C8orf34: variants seen among roughly 807,000 people sequenced by gnomAD.
C8orf34 encodes chromosome 8 open reading frame 34.
Under a neutral mutation model 68.3 loss-of-function variants are expected in C8orf34, and 65 were observed. The ratio of observed to expected loss-of-function variants is 0.95; its 90% confidence interval spans 0.78 to 1.17. The LOEUF (loss-of-function observed/expected upper bound fraction) is 1.17, where lower values mean the gene tolerates loss of function less well. C8orf34 is among the 50% of genes most tolerant of loss of function. The probability of loss-of-function intolerance (pLI) is 0.00; values close to 1 mark genes in which losing one functional copy is unlikely to be tolerated. For synonymous variants in C8orf34, 244 were observed against 241.2 expected (o/e 1.01, Z -0.11); for missense variants, 664 against 655.4 (o/e 1.01, Z -0.14).
intron 7 of C8orf34, among the ~76,000 whole-genome samples, chr8:68,549,233 T>G (rs1354030949): frequency 1.3e-5 from 2 of 151,756 alleles, no homozygotes; most frequent in Non-Finnish European, 3.0e-5. Context: ...AAAATAAGTT[T>G]CTCCATTTAA....
chr8:68,520,886 A>G (rs147559840), intron 5 of C8orf34, among the ~76,000 whole-genome samples: 112 of 152,376 alleles, frequency 7.4e-4, no homozygotes, highest in Non-Finnish European at 1.3e-3. Context: ...TTTTCTCATT[A>G]CATATTTACT....
At chr8:68,790,779 C>T (rs1386033504) in intron 12 of C8orf34, 6 of 658,420 alleles carry the variant, frequency 9.1e-6, no homozygotes, top group African/African-American at 3.6e-5. Flanking sequence ...TACTGGGGTA[C>T]TTGTTTAACA....
At chr8:68,679,520 T>C (rs187874404) in intron 8 of C8orf34, among the ~76,000 whole-genome samples, 65 of 152,186 alleles carry the variant, frequency 4.3e-4, no homozygotes, top group Non-Finnish European at 4.9e-4. Context: ...ATAGATTCAA[T>C]GCAATCTCTA....
chr8:68,553,181 C>T (rs543056708), intron 7 of C8orf34, among the ~76,000 whole-genome samples: 5 of 151,770 alleles, frequency 3.3e-5, no homozygotes, highest in African/African-American at 7.2e-5. Flanking sequence ...GTCAGGAGAT[C>T]GAGACCGTCC....
chr8:68,641,505 A>G (rs1819010637), intron 8 of C8orf34, among the ~76,000 whole-genome samples: 1 of 152,210 alleles, frequency 6.6e-6, no homozygotes, highest in Admixed American at 6.5e-5. Flanking sequence ...TATTTGGTGG[A>G]TTGACTTTTT....
In C8orf34 at chr8:68,694,069, T is replaced by C. The variant is rs1049732007; in HGVS notation, c.1242-14925T>C. 2.0e-5 allele frequency among the ~76,000 whole-genome samples: 3 copies of C among 152,218 alleles called. No homozygotes were observed. The South Asian group carries it at 6.2e-4, about 32-fold the overall frequency. On this transcript the variant is annotated intron_variant, in intron 8 of 13. Transcript: ENST00000518698. ...GATGCTCCGAAAAATATAACTTTTA[T>C]AAGGCCCTTTCTCTAAGCACCTCTT...
chr8:68,745,490 A>T (rs920483073), intron 10 of C8orf34, among the ~76,000 whole-genome samples: 96 of 152,288 alleles, frequency 6.3e-4, no homozygotes, highest in Admixed American at 8.5e-4. Flanking sequence ...CAGGAAACCC[A>T]TCTCACGTGC....
intron 1 of C8orf34, among the ~76,000 whole-genome samples, chr8:68,420,702 T>C (rs780983688): frequency 6.6e-6 from 1 of 152,094 alleles, no homozygotes; most frequent in Non-Finnish European, 1.5e-5. Flanking sequence ...ATATTAAAAC[T>C]TCAACAGATA....
intron 5 of C8orf34, among the ~76,000 whole-genome samples, chr8:68,506,468 G>A (rs1814027321): frequency 6.6e-6 from 1 of 152,096 alleles, no homozygotes. Flanking sequence ...TGAGTAGCTG[G>A]GACTACAGTC....
chr8:68,518,797 G>A (rs1315977353), intron 5 of C8orf34, among the ~76,000 whole-genome samples: 3 of 151,374 alleles, frequency 2.0e-5, no homozygotes, highest in Non-Finnish European at 4.4e-5. Flanking sequence ...GGGAGGCTGA[G>A]GCAGGGGAAT....
At chr8:68,770,577 A>G (rs1260235162) in intron 10 of C8orf34, among the ~76,000 whole-genome samples, 2 of 152,150 alleles carry the variant, frequency 1.3e-5, no homozygotes, top group African/African-American at 2.4e-5. Context: ...TTCTTGTCCA[A>G]CATCCACTGA....
intron 1 of C8orf34, among the ~76,000 whole-genome samples, chr8:68,366,637 A>G (rs2129619591): frequency 6.6e-6 from 1 of 151,288 alleles, no homozygotes; most frequent in African/African-American, 2.4e-5. Flanking sequence ...GAGAAAAACA[A>G]GAAATGGGGA....
chr8:68,423,458 C>A (rs1427567775), intron 1 of C8orf34, among the ~76,000 whole-genome samples: 1 of 152,156 alleles, frequency 6.6e-6, no homozygotes, highest in East Asian at 1.9e-4. Flanking sequence ...GTGTCCATAT[C>A]ACTATCAGCA....
intron 11 of C8orf34, among the ~76,000 whole-genome samples, chr8:68,779,072 G>A (rs1823600245): frequency 6.6e-6 from 1 of 151,860 alleles, no homozygotes; most frequent in African/African-American, 2.4e-5. Flanking sequence ...AGCTCTTCAG[G>A]AAGCTGAGGC....
intron 1 of C8orf34, among the ~76,000 whole-genome samples, chr8:68,371,793 T>A (rs1807576020): frequency 6.6e-6 from 1 of 152,014 alleles, no homozygotes; most frequent in African/African-American, 2.4e-5. Flanking sequence ...AGAGAGGTGA[T>A]TTCACCATGT....
intron 1 of C8orf34, among the ~76,000 whole-genome samples, chr8:68,427,964 A>T (rs1439591358): frequency 6.7e-6 from 1 of 148,220 alleles, no homozygotes; most frequent in Admixed American, 6.7e-5. Flanking sequence ...TAATATATAA[A>T]ATGTATTCAT....
At chr8:68,752,773 T>C (rs960433172) in intron 10 of C8orf34, among the ~76,000 whole-genome samples, 4 of 152,166 alleles carry the variant, frequency 2.6e-5, no homozygotes, top group African/African-American at 9.7e-5. Context: ...TGAATTAATG[T>C]GGGGAATTTT....
At chr8:68,503,793 T>C (rs1204863543) in intron 5 of C8orf34, among the ~76,000 whole-genome samples, 1 of 152,044 alleles carries the variant, frequency 6.6e-6, no homozygotes, top group Non-Finnish European at 1.5e-5. Flanking sequence ...CGTTCACCTC[T>C]TGGGTTCTGA....
chr8:68,746,204 C>T lies in C8orf34; in HGVS notation c.1404+24767C>T, dbSNP rs1250625177. On this transcript the variant is annotated intron_variant, in intron 10 of 13. Coordinates refer to ENST00000518698, the MANE Select transcript of C8orf34 (RefSeq NM_052958.4). ...GAAACCAATGAGAACAAACACACAACATACCAGAATCTCTCGGACACATTC... is the reference window on the plus strand; with the variant it reads ...GAAACCAATGAGAACAAACACACAATATACCAGAATCTCTCGGACACATTC... Among the ~76,000 whole-genome samples the T allele has an allele frequency of 3.9e-5, 6 of 152,010 alleles. No homozygotes were observed. In the East Asian group the frequency reaches 5.8e-4, roughly 15 times the overall value.
Sources: allele counts gnomAD v4.1 joint callset (sites outside exome capture counted in the v4.1 genomes callset), GRCh38; gene constraint gnomAD v4.1.1; transcripts MANE v1.5; gene names NCBI Gene and HGNC (gene_info 2026-07-23, HGNC 2026-07-21).